DTWD2: variants seen among roughly 807,000 people sequenced by gnomAD.
DTWD2 encodes DTW motif tRNA-uridine aminocarboxypropyltransferase 2.
In DTWD2, 39 loss-of-function variants were observed where a neutral mutation model predicts 31.8. The observed-to-expected ratio is 1.22, with a 90% CI of 0.95 to 1.60. DTWD2 has a LOEUF of 1.60. Ranked by LOEUF, DTWD2 falls within the 40% of genes most tolerant of loss-of-function variation. DTWD2 has a pLI of 0.00. For missense variants in DTWD2, 515 were observed against 381.5 expected, an observed-to-expected ratio of 1.35 and a Z score of -2.92; for synonymous variants, 180 against 142.8, an observed-to-expected ratio of 1.26 and a Z score of -1.86.
At chr5:118,956,229 A>G (rs1338857263) in intron 1 of DTWD2, among the ~76,000 whole-genome samples, 1 of 152,220 alleles carries the variant, frequency 6.6e-6, no homozygotes, top group Non-Finnish European at 1.5e-5. Context: ...CCTTTTCTAT[A>G]TTTATAATGT....
At chr5:118,951,078 T>C (rs563659288) in intron 1 of DTWD2, among the ~76,000 whole-genome samples, 3 of 152,010 alleles carry the variant, frequency 2.0e-5, no homozygotes, top group Non-Finnish European at 4.4e-5. Flanking sequence ...ACTAACTGAT[T>C]TGGGAGAGGC....
At chr5:118,916,474 T>C (rs1018161896) in intron 4 of DTWD2, among the ~76,000 whole-genome samples, 1 of 152,106 alleles carries the variant, frequency 6.6e-6, no homozygotes, top group Non-Finnish European at 1.5e-5. Context: ...GAGACCAGCC[T>C]GATCAACATG....
chr5:118,947,892 A>G (rs1352155805), intron 1 of DTWD2, among the ~76,000 whole-genome samples: 1 of 152,198 alleles, frequency 6.6e-6, no homozygotes, highest in Non-Finnish European at 1.5e-5. Flanking sequence ...TTGTGATACT[A>G]TTGAGGAACT....
chr5:118,884,738 G>T (rs1752817502), intron 4 of DTWD2, among the ~76,000 whole-genome samples: 1 of 152,082 alleles, frequency 6.6e-6, no homozygotes, highest in Non-Finnish European at 1.5e-5. Flanking sequence ...TGGGCGTGGT[G>T]GCTCATGCCT....
chr5:118,882,526 A>C (rs1752764400), intron 4 of DTWD2, among the ~76,000 whole-genome samples: 1 of 152,218 alleles, frequency 6.6e-6, no homozygotes, highest in South Asian at 2.1e-4. Flanking sequence ...CTGCCTTAGC[A>C]GAGGTTCTCC....
chr5:118,892,687 C>T (rs1753000781), intron 4 of DTWD2, among the ~76,000 whole-genome samples: 1 of 152,016 alleles, frequency 6.6e-6, no homozygotes, highest in South Asian at 2.1e-4. Context: ...GGGAAATACA[C>T]ATTGTCATAA....
intron 3 of DTWD2, among the ~76,000 whole-genome samples, chr5:118,937,478 T>C (rs1754071045): frequency 6.6e-6 from 1 of 152,184 alleles, no homozygotes; most frequent in Non-Finnish European, 1.5e-5. Context: ...AAGTTATCTG[T>C]AATCCAGCCA....
intron 4 of DTWD2, among the ~76,000 whole-genome samples, chr5:118,917,629 G>T (rs1333555400): frequency 6.6e-6 from 1 of 152,118 alleles, no homozygotes; most frequent in East Asian, 1.9e-4. Flanking sequence ...CCTTCACATG[G>T]GGGCAGGAGA....
intron 1 of DTWD2, among the ~76,000 whole-genome samples, chr5:118,982,157 C>T (rs182208183): frequency 2.1e-4 from 32 of 152,228 alleles, no homozygotes; most frequent in African/African-American, 7.2e-4. Context: ...AAATTTTAGG[C>T]TAGACTATTT....
At chr5:118,848,822 T>C (rs1179290196) in intron 4 of DTWD2, among the ~76,000 whole-genome samples, 1 of 152,126 alleles carries the variant, frequency 6.6e-6, no homozygotes, top group African/African-American at 2.4e-5. Context: ...TGGCTAGCCA[T>C]ACACAGAAAA....
chr5:118,941,749 G>A (rs1030690112), intron 2 of DTWD2, among the ~76,000 whole-genome samples: 21 of 152,262 alleles, frequency 1.4e-4, no homozygotes, highest in African/African-American at 4.6e-4. Flanking sequence ...CTGAGGAATC[G>A]CCACACAGAC....
In DTWD2 at chr5:118,840,678, T is replaced by C. The variant is rs1337641503; in HGVS notation, c.*239A>G. 6.6e-6 allele frequency: 2 copies of C among 303,384 alleles called. No individual in the cohort carries two copies. The highest frequency in any genetic ancestry group is 1.2e-5 in the Non-Finnish European group (2 of 170,340). The allele number at this position is 303,384 out of a possible 1,614,324, so 18.8% of individuals were successfully genotyped here. A position where few individuals can be genotyped will look rare whatever the true frequency, so the allele number is the denominator to read the frequency against. On this transcript the variant is annotated 3_prime_UTR_variant, in exon 6 of 6. Transcript: ENST00000510708. ...TATTTTAAATTTGGGTTTGAAAACATGTATTAGAGGCACATTTTTAAAAAC... is the reference window on the plus strand; with the variant it reads ...TATTTTAAATTTGGGTTTGAAAACACGTATTAGAGGCACATTTTTAAAAAC...
At chr5:118,951,070 T>C (rs1209723213) in intron 1 of DTWD2, among the ~76,000 whole-genome samples, 1 of 152,070 alleles carries the variant, frequency 6.6e-6, no homozygotes, top group Non-Finnish European at 1.5e-5. Context: ...GCCTAAACAC[T>C]AACTGATTTG....
intron 1 of DTWD2, among the ~76,000 whole-genome samples, chr5:118,969,740 A>G (rs572627413): frequency 6.6e-6 from 1 of 152,356 alleles, no homozygotes; most frequent in African/African-American, 2.4e-5. Flanking sequence ...GGAAGAATCA[A>G]TGCAAAAACG....
intron 4 of DTWD2, among the ~76,000 whole-genome samples, chr5:118,859,139 G>A (rs1478815239): frequency 4.0e-5 from 6 of 151,752 alleles, no homozygotes; most frequent in East Asian, 1.9e-4. Flanking sequence ...TTATTTCAGC[G>A]GAGGATTGCA....
intron 4 of DTWD2, among the ~76,000 whole-genome samples, chr5:118,855,476 A>G (rs1477140526): frequency 1.3e-5 from 2 of 151,946 alleles, no homozygotes; most frequent in Non-Finnish European, 2.9e-5. Flanking sequence ...CTGTTTGATA[A>G]TACTGCATAT....
At chr5:118,855,823 G>C (rs1752120873) in intron 4 of DTWD2, among the ~76,000 whole-genome samples, 1 of 152,214 alleles carries the variant, frequency 6.6e-6, no homozygotes, top group East Asian at 1.9e-4. Context: ...AAAAAGTGAA[G>C]TGCCCTATAA....
chr5:118,839,211 AATAT>A lies in DTWD2; in HGVS notation c.*1702_*1705del, dbSNP rs1751650406. 6.6e-6 allele frequency: 1 copy of A among 152,148 alleles called. No homozygotes were observed. Among genetic ancestry groups the A allele is most frequent in the Non-Finnish European group, 1.5e-5 (1 of 68,014 alleles). 9.4% of individuals were successfully genotyped at this position (152,148 alleles called of 1,614,324 possible). A position where few individuals can be genotyped will look rare whatever the true frequency, so the allele number is the denominator to read the frequency against. On this transcript the variant is annotated 3_prime_UTR_variant, in exon 6 of 6. Transcript: ENST00000510708. ...TGACTAAAAGAAACTCATGAAGTTT[AATAT>A]CAATGTGAAAAATTACTACAAAATG...
chr5:118,979,304 C>CA (rs1322957087), intron 1 of DTWD2, among the ~76,000 whole-genome samples: 1 of 151,064 alleles, frequency 6.6e-6, no homozygotes, highest in African/African-American at 2.4e-5. Context: ...AGTCCATCCC[C>CA]AAAAAAATAA....
Sources: allele counts gnomAD v4.1 joint callset (sites outside exome capture counted in the v4.1 genomes callset), GRCh38; gene constraint gnomAD v4.1.1; transcripts MANE v1.5; gene names NCBI Gene and HGNC (gene_info 2026-07-23, HGNC 2026-07-21).